Variants in MYO19 observed in about 807,000 individuals in gnomAD.
The protein encoded by MYO19 is unconventional myosin-XIX.
MYO19 carries 132 observed loss-of-function variants against 129.2 expected under a neutral mutation model. The ratio of observed to expected loss-of-function variants is 1.02; its 90% CI spans 0.89 to 1.18. The LOEUF is 1.18. Ranked by LOEUF, MYO19 falls within the 50% of genes most tolerant of loss-of-function variation. The pLI is 0.00. For synonymous variants in MYO19, 531 were observed against 477.2 expected (o/e 1.11, Z -1.47); for missense variants, 1,210 against 1,216.7 (o/e 0.99, Z 0.08).
rs536717526 is a variant in MYO19, at chr17:36,507,938, A to T, written c.1232-14T>A. The T allele has an allele frequency of 1.3e-6, 2 of 1,589,554 alleles. No individual in the cohort carries two copies. Among genetic ancestry groups the T allele is most frequent in the South Asian group, 2.3e-5 (2 of 88,174 alleles). ...CATCCAGCAGGCCTGGGAAGATGGC[A>T]GAGAACCCATGGGGCCACTGCAGGG... On this transcript the variant is annotated splice_polypyrimidine_tract_variant and intron_variant, in intron 14 of 25. Transcript: ENST00000614623.
At chr17:36,508,053 G>A in intron 14 of MYO19, 129 bp from the exon 15 acceptor site, 2 of 1,005,122 alleles carry the variant, frequency 2.0e-6, no homozygotes, top group Non-Finnish European at 2.8e-6. Context: ...CAGGCTGAGT[G>A]AGCATGACAC....
At chr17:36,529,165 C>T (rs891280616) in intron 3 of MYO19, among the ~76,000 whole-genome samples, 11 of 151,028 alleles carry the variant, frequency 7.3e-5, no homozygotes, top group Admixed American at 3.9e-4. Context: ...TTTTTTTTTC[C>T]TTTCTTTTTT....
chr17:36,520,717 C>G (rs1297018024), intron 6 of MYO19, among the ~76,000 whole-genome samples: 1 of 152,128 alleles, frequency 6.6e-6, no homozygotes, highest in South Asian at 2.1e-4. Flanking sequence ...TTCTGACTTT[C>G]TTAATTTCAT....
intron 5 of MYO19, among the ~76,000 whole-genome samples, chr17:36,526,718 C>T (rs968275340): frequency 6.6e-6 from 1 of 151,734 alleles, no homozygotes; most frequent in African/African-American, 2.4e-5. Flanking sequence ...GAAACCCCAT[C>T]TCTACTAAAA....
intron 6 of MYO19, among the ~76,000 whole-genome samples, chr17:36,524,046 C>T (rs1209073033): frequency 6.6e-6 from 1 of 152,118 alleles, no homozygotes; most frequent in Non-Finnish European, 1.5e-5. Flanking sequence ...AGTGGCTGCT[C>T]AATAAAGGGT....
chr17:36,529,251 CTGAGCTCAAG>C (rs2073680959), intron 3 of MYO19, among the ~76,000 whole-genome samples: 1 of 152,102 alleles, frequency 6.6e-6, no homozygotes, highest in Non-Finnish European at 1.5e-5. Flanking sequence ...CCTCCAACTC[CTGAGCTCAAG>C]TGATCCTTCT....
At chr17:36,543,953 AG>A (rs2074217936), upstream of MYO19, among the ~76,000 whole-genome samples, 1 of 152,204 alleles carries the variant, frequency 6.6e-6, no homozygotes, top group Non-Finnish European at 1.5e-5. Context: ...AAGGTATCAC[AG>A]CTCCAGGAAA....
chr17:36,542,465 C>T (rs541124735), intron 1 of MYO19, among the ~76,000 whole-genome samples: 280 of 152,048 alleles, frequency 1.8e-3, no homozygotes, highest in Middle Eastern at 0.01. Flanking sequence ...TTTGGGAGGC[C>T]GAGGCGGGCG....
chr17:36,512,088 C>T (rs182931999), intron 11 of MYO19, among the ~76,000 whole-genome samples: 81 of 152,204 alleles, frequency 5.3e-4, no homozygotes, highest in African/African-American at 1.9e-3. Context: ...TGGTGGCACA[C>T]GCTTGTAATT....
chr17:36,501,070 A>G lies in MYO19; in HGVS notation c.2246T>C (p.Met749Thr). ...CTCCTCATCCCCAAACCAGCTCACC[A>G]TAGAGTCAGTCATGAACACCTTGGT... The part of the protein sequence containing the change: ...GRTKVFMTDS[M>T]LELLECGRAR... Residue 749 changes from methionine (M) to threonine (T), a missense_variant and splice_region_variant, in exon 22 of 26, where the codon ATG (methionine) becomes ACG (threonine). Met to Thr is a moderately conservative substitution (Grantham distance 81). Transcript: ENST00000614623. 1 of 1,611,266 alleles carries G rather than the reference A, an allele frequency of 6.2e-7. No homozygotes were observed. Among genetic ancestry groups the G allele is most frequent in the Non-Finnish European group, 8.5e-7 (1 of 1,177,872 alleles).
intron 7 of MYO19, 68 bp from the exon 8 acceptor site, chr17:36,515,250 G>A (rs2072663299): frequency 6.9e-7 from 1 of 1,444,878 alleles, no homozygotes. Context: ...CAAGGTGGCT[G>A]CAGGTCTCTG....
At chr17:36,522,283 G>A (rs2073183634) in intron 6 of MYO19, among the ~76,000 whole-genome samples, 1 of 151,626 alleles carries the variant, frequency 6.6e-6, no homozygotes, top group South Asian at 2.1e-4. Context: ...GCCGAGGCAG[G>A]TGGATCACGA....
chr17:36,527,946 T>TGGCTCCAGATCA (rs1472732656), intron 4 of MYO19, 118 bp downstream of exon 4: 1 of 1,391,694 alleles, frequency 7.2e-7, no homozygotes, highest in Non-Finnish European at 9.7e-7. Flanking sequence ...GCAGCCCACC[T>TGGCTCCAGATCA]GGCTCCAGAT....
chr17:36,525,259 A>G lies in MYO19; in HGVS notation c.383T>C (p.Ile128Thr), dbSNP rs1329322157. The G allele has an allele frequency of 5.6e-6, 9 of 1,613,846 alleles. No individual in the cohort carries two copies. Among genetic ancestry groups the G allele is most frequent in the South Asian group, 1.1e-5 (1 of 91,072 alleles). ...KSLIEPVNQS[I>T]VVSGESGAGK... ...AGCACCACTCTCTCCACTGACAACA[A>G]TAGACTGGTTGACTGGTTCAATCAG... Residue 128 changes from isoleucine to threonine, a missense_variant, in exon 6 of 26, where the codon ATT (isoleucine) becomes ACT (threonine). Transcript: ENST00000614623.
At position 36,496,103 on chromosome 17, in the gene MYO19, G is replaced by A. The variant is rs990690753; in HGVS notation, c.*148C>T. Reference sequence around the variant, plus strand: ...CCAGGCCCACTGACGCACTGGGCACGGGGCTCTGGGTCGAAGGCTGGAGCC... The same window carrying A: ...CCAGGCCCACTGACGCACTGGGCACAGGGCTCTGGGTCGAAGGCTGGAGCC... On this transcript the variant is annotated 3_prime_UTR_variant, in exon 26 of 26. Coordinates refer to ENST00000614623, the MANE Select transcript of MYO19 (RefSeq NM_001163735.2). 19 of 1,123,512 alleles carry A rather than the reference G, an allele frequency of 1.7e-5. No individual in the cohort carries two copies. Among genetic ancestry groups the A allele is most frequent in the African/African-American group, 4.6e-5 (3 of 64,550 alleles). The allele number at this position is 1,123,512 out of a possible 1,614,324, so 69.6% of individuals were successfully genotyped here.
chr17:36,540,765 T>C (rs1010133258), intron 2 of MYO19, among the ~76,000 whole-genome samples: 2 of 152,212 alleles, frequency 1.3e-5, no homozygotes, highest in African/African-American at 4.8e-5. Context: ...TAGGTCACTA[T>C]GGTAATTTAA....
intron 5 of MYO19, 130 bp downstream of exon 5, chr17:36,527,421 G>GAAT (rs2073540425): frequency 9.6e-7 from 1 of 1,038,734 alleles, no homozygotes; most frequent in African/African-American, 1.6e-5. Context: ...CTATTGGGCA[G>GAAT]GCCGTGGCAC....
chr17:36,535,718 C>G (rs1186657734), upstream of MYO19: 3 of 152,218 alleles, frequency 2.0e-5, no homozygotes, highest in African/African-American at 7.2e-5. Flanking sequence ...AGTGCAGTGG[C>G]GCGATCTCGG....
rs2070949772 is a variant in MYO19 at position 36,496,200 on chromosome 17, T to C, written c.*51A>G. The C allele has an allele frequency of 2.5e-6, 4 of 1,605,102 alleles. No homozygotes were observed. In the Admixed American group the frequency reaches 6.7e-5, roughly 27 times the overall value. Reference sequence around the variant, plus strand: ...CAGCTGTGTGCTGATTAAATGTCTTTGGCAAGGCAGGGGGCAGGAAAAGGC... The same window carrying C: ...CAGCTGTGTGCTGATTAAATGTCTTCGGCAAGGCAGGGGGCAGGAAAAGGC... On this transcript the variant is annotated 3_prime_UTR_variant, in exon 26 of 26. Coordinates refer to ENST00000614623, the MANE Select transcript of MYO19 (RefSeq NM_001163735.2).
Sources: allele counts gnomAD v4.1 joint callset (sites outside exome capture counted in the v4.1 genomes callset), GRCh38; gene constraint gnomAD v4.1.1; transcripts MANE v1.5; gene names NCBI Gene and HGNC (gene_info 2026-07-23, HGNC 2026-07-21).